The following OSMR variants were observed in gnomAD, a reference collection of about 807,000 sequenced individuals.
OSMR encodes oncostatin-M-specific receptor subunit beta.
A neutral mutation model predicts 99.9 loss-of-function variants in OSMR; 81 were observed. The ratio of observed to expected loss-of-function variants is 0.81; its 90% CI spans 0.68 to 0.97. The LOEUF is 0.97. Among genes scored for constraint, OSMR ranks in the 50% least tolerant of loss-of-function variants. OSMR has a pLI of 0.00. For synonymous variants in OSMR, 406 were observed against 410.4 expected, an observed-to-expected ratio of 0.99 and a Z score of 0.13; for missense variants, 1,099 against 1,153.4, an observed-to-expected ratio of 0.95 and a Z score of 0.68.
intron 7 of OSMR, among the ~76,000 whole-genome samples, chr5:38,887,959 C>T (rs1469236942): frequency 3.3e-5 from 5 of 151,962 alleles, no homozygotes; most frequent in Admixed American, 6.5e-5. Context: ...TTCTTCGTTT[C>T]GCGCCGGTTT....
chr5:38,930,311 G>T (rs904856934), intron 15 of OSMR, among the ~76,000 whole-genome samples: 3 of 152,074 alleles, frequency 2.0e-5, no homozygotes, highest in Admixed American at 2.0e-4. Context: ...GCCAGTTTTG[G>T]CCCTCTCTTA....
intron 9 of OSMR, among the ~76,000 whole-genome samples, chr5:38,908,754 TAAAAC>T (rs1040663990): frequency 4.5e-4 from 69 of 151,794 alleles, no homozygotes; most frequent in African/African-American, 1.5e-3. Flanking sequence ...ACATAAAACA[TAAAAC>T]AAAACAAAAA....
intron 15 of OSMR, among the ~76,000 whole-genome samples, chr5:38,930,412 A>C (rs768082018): frequency 3.3e-5 from 5 of 152,258 alleles, no homozygotes; most frequent in Non-Finnish European, 7.4e-5. Context: ...ACAAAACTCC[A>C]ACATTATCTG....
intron 9 of OSMR, among the ~76,000 whole-genome samples, chr5:38,915,350 T>G (rs1745834443): frequency 6.6e-6 from 1 of 152,184 alleles, no homozygotes; most frequent in South Asian, 2.1e-4. Flanking sequence ...AAAATACTGA[T>G]TTGCACCTTT....
In OSMR at chr5:38,884,106, T is replaced by G; in HGVS notation, c.698T>G (p.Val233Gly). 1 of 1,612,464 alleles carries G rather than the reference T, an allele frequency of 6.2e-7. No homozygotes were observed. The highest frequency in any genetic ancestry group is 8.5e-7 in the Non-Finnish European group (1 of 1,178,454). ...SEGMKGIVLF[V>G]SKVLEEPKDF... ...GGCATGAAAGGCATCGTTCTTTTTGTCTCAAGTAAGTGTGCAAATTCTCTG... is the reference window on the plus strand; with the variant it reads ...GGCATGAAAGGCATCGTTCTTTTTGGCTCAAGTAAGTGTGCAAATTCTCTG... Residue 233 changes from valine (V) to glycine (G), a missense_variant, in exon 5 of 18, where the codon GTC (valine) becomes GGC (glycine). Val to Gly is a moderately radical substitution (Grantham distance 109, BLOSUM62 -3). Coordinates refer to ENST00000274276, the MANE Select transcript of OSMR (RefSeq NM_003999.3).
chr5:38,942,740 G>A (rs1211951471), intron 1 of OSMR: 3 of 1,042,526 alleles, frequency 2.9e-6, no homozygotes, highest in Non-Finnish European at 4.3e-6. Context: ...GTAGGCATGA[G>A]TCACCACACC....
At chr5:38,850,439 G>T (rs992566348) in intron 1 of OSMR, among the ~76,000 whole-genome samples, 5 of 152,186 alleles carry the variant, frequency 3.3e-5, no homozygotes, top group African/African-American at 1.2e-4. Context: ...AAGAAAGAGG[G>T]TTGGTGAGAT....
At chr5:38,861,693 G>A (rs573829573) in intron 1 of OSMR, among the ~76,000 whole-genome samples, 6 of 151,726 alleles carry the variant, frequency 4.0e-5, no homozygotes, top group South Asian at 4.2e-4. Context: ...CAGTAGGGGC[G>A]GCCGGGAGAG....
chr5:38,875,011 T>A (rs1310836644), intron 2 of OSMR, among the ~76,000 whole-genome samples: 1 of 152,258 alleles, frequency 6.6e-6, no homozygotes, highest in African/African-American at 2.4e-5. Flanking sequence ...TATTGGAGAC[T>A]GTTTCCATTG....
chr5:38,882,159 A>C lies in OSMR; in HGVS notation c.418+395A>C, dbSNP rs114456060. ...TTTTCTGTGAAAGGCCAGATAAGAG[A>C]TAGTATAAGCTTTTCAGAGCATACA... On this transcript the variant is annotated intron_variant, in intron 4 of 17. Transcript: ENST00000274276. 1.5e-3 allele frequency among the ~76,000 whole-genome samples: 236 copies of C among 152,324 alleles called. 2 individuals are homozygous for C. The highest frequency in any genetic ancestry group is 5.4e-3 in the African/African-American group (226 of 41,590).
chr5:38,910,191 A>G (rs745417742), intron 9 of OSMR, among the ~76,000 whole-genome samples: 1 of 152,242 alleles, frequency 6.6e-6, no homozygotes, highest in Non-Finnish European at 1.5e-5. Flanking sequence ...CTAAATATAT[A>G]TGCACCTAAC....
intron 5 of OSMR, 111 bp downstream of exon 5, chr5:38,884,222 T>C: frequency 1.0e-6 from 1 of 955,254 alleles, no homozygotes; most frequent in Non-Finnish European, 1.7e-6. Flanking sequence ...TGATTTTCTT[T>C]TGTTTCCCAA....
At position 38,883,834 on chromosome 5, in the gene OSMR, T is replaced by G. The variant is rs780175023; in HGVS notation, c.426T>G (p.Asp142Glu). The G allele has an allele frequency of 2.2e-5, 36 of 1,612,708 alleles. No homozygotes were observed. Among genetic ancestry groups the G allele is most frequent in the Non-Finnish European group, 3.0e-5 (35 of 1,179,982 alleles). Residue 142 changes from aspartate to glutamate, a missense_variant, in exon 5 of 18, where the codon GAT becomes GAG. Physicochemically the swap from Asp to Glu is conservative, Grantham distance 45 (BLOSUM62 2). Coordinates refer to ENST00000274276, the MANE Select transcript of OSMR (RefSeq NM_003999.3). Reference sequence around the variant, plus strand: ...TATTTTTTTTTCTTGCAGTACAAGATTCTACTGGACAGGATATATTGTTCG... The same window carrying G: ...TATTTTTTTTTCTTGCAGTACAAGAGTCTACTGGACAGGATATATTGTTCG... ...WSSWEEVSVQ[D>E]STGQDILFVF... is the part of the protein sequence containing the mutation.
downstream of OSMR, chr5:38,945,159 A>G (rs1004904775): frequency 3.2e-6 from 3 of 929,638 alleles, no homozygotes; most frequent in Non-Finnish European, 4.8e-6. Flanking sequence ...AATATAAAAT[A>G]ACATCTTCTC....
intron 13 of OSMR, among the ~76,000 whole-genome samples, chr5:38,924,041 C>T (rs1050787300): frequency 6.6e-6 from 1 of 152,220 alleles, no homozygotes; most frequent in African/African-American, 2.4e-5. Flanking sequence ...CCTTCTTCCT[C>T]ACTTTAGTAG....
At chr5:38,891,568 G>A (rs1744159585) in intron 7 of OSMR, among the ~76,000 whole-genome samples, 1 of 152,202 alleles carries the variant, frequency 6.6e-6, no homozygotes, top group African/African-American at 2.4e-5. Context: ...GGGAAAGGGT[G>A]AACAAGTGAG....
At chr5:38,936,050 A>G (rs357251), downstream of OSMR, among the ~76,000 whole-genome samples, 6,372 of 152,298 alleles carry the variant, frequency 0.042, 243 homozygotes, top group African/African-American at 0.093. Context: ...ACATGGCTTT[A>G]GGAAGTGCTA....
chr5:38,918,870 A>G lies in OSMR; in HGVS notation c.1393A>G (p.Ile465Val), dbSNP rs751875138. 1 of 1,614,082 alleles carries G rather than the reference A, an allele frequency of 6.2e-7. No individual in the cohort carries two copies. The highest frequency in any genetic ancestry group is 1.1e-5 in the South Asian group (1 of 91,084). Residue 465 changes from isoleucine (I) to valine (V), a missense_variant, in exon 11 of 18, where the codon ATC becomes GTC. Physicochemically the swap from Ile to Val is conservative, Grantham distance 29. Transcript: ENST00000274276. ...PLSKLHANGKILFYNVVVENL... is the reference protein window; with the variant it reads ...PLSKLHANGKVLFYNVVVENL... Reference sequence around the variant, plus strand: ...ATCAAAACTGCATGCCAATGGAAAGATCCTGTTCTATAATGTAGTTGTAGA... The same window carrying G: ...ATCAAAACTGCATGCCAATGGAAAGGTCCTGTTCTATAATGTAGTTGTAGA...
At chr5:38,906,515 C>A (rs1310650966) in intron 9 of OSMR, among the ~76,000 whole-genome samples, 1 of 152,144 alleles carries the variant, frequency 6.6e-6, no homozygotes, top group East Asian at 1.9e-4. Flanking sequence ...TGTATTGTAG[C>A]ACTTTTTTGT....
Sources: gnomAD v4.1 joint callset for allele counts (sites outside exome capture counted in the v4.1 genomes callset) on GRCh38, gnomAD v4.1.1 for gene constraint, MANE v1.5 for transcripts, NCBI Gene and HGNC (gene_info 2026-07-23, HGNC 2026-07-21) for gene names.